The following DVL2 variants were observed in gnomAD, a reference collection of about 807,000 sequenced individuals.
DVL2 encodes dishevelled segment polarity protein 2.
In DVL2, 38 loss-of-function variants were observed where a neutral mutation model predicts 69.8. The ratio of observed to expected loss-of-function variants is 0.54; its 90% confidence interval spans 0.42 to 0.71. The LOEUF (loss-of-function observed/expected upper bound fraction) is 0.71, where lower values mean the gene tolerates loss of function less well. DVL2 is among the 30% of genes least tolerant of loss of function. The pLI, the probability that DVL2 is intolerant of heterozygous loss-of-function variation, is 0.00. For synonymous variants in DVL2, 428 were observed against 392.4 expected, an observed-to-expected ratio of 1.09 and a Z score of -1.07; for missense variants, 931 against 1,008.1, an observed-to-expected ratio of 0.92 and a Z score of 1.04.
In DVL2 at chr17:7,226,637, G is replaced by C. The variant is rs1317208259; in HGVS notation, c.1546C>G (p.Leu516Val). The C allele has an allele frequency of 6.5e-7, 1 of 1,549,928 alleles. No homozygotes were observed. Among genetic ancestry groups the C allele is most frequent in the South Asian group, 1.2e-5 (1 of 83,080 alleles). The change falls in exon 14 of 15, where the codon CTA (leucine) becomes GTA (valine). Residue 516 changes from leucine to valine, a missense_variant and splice_region_variant. This residue lies in a region of DVL2 where 314 missense variants were observed against 313.7 expected (regional missense o/e 1.00). Transcript: ENST00000005340. ...TTGTCATTGAGAGACAGGTTGACTA[G>C]GTCTGGAAAGCAAGGGAAGAGAGGA... ...GDLSGGCESY[L>V]VNLSLNDNDG... is the part of the protein sequence containing the mutation.
At chr17:7,226,853 G>A in intron 13 of DVL2, 1 of 627,918 alleles carries the variant, frequency 1.6e-6, no homozygotes, top group Non-Finnish European at 2.7e-6. Flanking sequence ...CGGGACTCAG[G>A]TAAGAGGTGC....
In DVL2 at chr17:7,229,581, C is replaced by T. The variant is rs1449924165; in HGVS notation, c.747+7G>A. On this transcript the variant is annotated splice_region_variant and intron_variant, in intron 6 of 14. Transcript: ENST00000005340. The surrounding 1 kb of genome is among the most constrained non-coding windows in gnomAD (Gnocchi z 4.4). ...CCAGCACCAGCCTTCCTGTAGGAACCCCTCACCCTCTCCAGGCGGGGTGGC... is the reference window on the plus strand; with the variant it reads ...CCAGCACCAGCCTTCCTGTAGGAACTCCTCACCCTCTCCAGGCGGGGTGGC... The T allele has an allele frequency of 4.4e-6, 7 of 1,574,672 alleles. No individual in the cohort carries two copies. Among genetic ancestry groups the T allele is most frequent in the Non-Finnish European group, 6.0e-6 (7 of 1,162,056 alleles).
Position 7,226,038 on chromosome 17 carries a change from T to C in DVL2, c.2038A>G (p.Met680Val), listed in dbSNP as rs1265703676. The change falls in exon 15 of 15, where the codon ATG becomes GTG. Residue 680 changes from methionine to valine, a missense_variant. Met to Val is a conservative substitution (Grantham distance 21). Coordinates refer to ENST00000005340, the MANE Select transcript of DVL2 (RefSeq NM_004422.3). ...GGTGGGGGCATCATGACCACCATCATGGGGTTGTAGGGGAGGGCCATGCCA... is the reference window on the plus strand; with the variant it reads ...GGTGGGGGCATCATGACCACCATCACGGGGTTGTAGGGGAGGGCCATGCCA... ...PPGMALPYNPMMVVMMPPPPP... is the reference protein window; with the variant it reads ...PPGMALPYNPVMVVMMPPPPP... 1.2e-6 allele frequency: 2 copies of C among 1,611,396 alleles called. No individual in the cohort carries two copies. The highest frequency in any genetic ancestry group is 1.7e-6 in the Non-Finnish European group (2 of 1,178,750).
In DVL2 at chr17:7,229,517, C is replaced by T; in HGVS notation, c.748-70G>A. 1 of 1,611,830 alleles carries T rather than the reference C, an allele frequency of 6.2e-7. No individual in the cohort carries two copies. Among genetic ancestry groups the T allele is most frequent in the Non-Finnish European group, 8.5e-7 (1 of 1,178,218 alleles). On this transcript the variant is annotated intron_variant, in intron 6 of 14. Transcript: ENST00000005340. This position sits in a 1 kb window ranked among gnomAD's most constrained non-coding sequence, Gnocchi z 4.4. ...TCAACCCTGGGGTGCTGCCGGTGTC[C>T]TGGCACCGCCCAAACCAAAGCCCAT...
rs1314931965 is a variant in DVL2, at chr17:7,226,503, G to A, written c.1680C>T (p.Pro560=). The change falls in exon 14 of 15, where the codon CCC becomes CCT. Residue 560 remains proline, a synonymous_variant. Transcript: ENST00000005340. ...TFSYQYPAPH[P]YSPQPPPYHE... is the part of the protein sequence containing the mutation. ...GGTAGGGTGGAGGCTGCGGGCTGTA[G>A]GGGTGTGGGGCAGGGTATTGGTAGG... 1 of 1,594,980 alleles carries A rather than the reference G, an allele frequency of 6.3e-7. No homozygotes were observed. The highest frequency in any genetic ancestry group is 2.2e-5 in the East Asian group (1 of 44,730).
chr17:7,230,023 C>T (rs758876904), intron 4 of DVL2, 23 bp downstream of exon 4: 6 of 1,612,808 alleles, frequency 3.7e-6, no homozygotes, highest in South Asian at 1.1e-5. Flanking sequence ...CAGCCCTTCC[C>T]GGCCCCCAGG....
Position 7,229,723 on chromosome 17 carries a change from C to A in DVL2, c.657-45G>T. On this transcript the variant is annotated intron_variant, in intron 5 of 14. Coordinates refer to ENST00000005340, the MANE Select transcript of DVL2 (RefSeq NM_004422.3). This position sits in a 1 kb window ranked among gnomAD's most constrained non-coding sequence, Gnocchi z 4.4. ...GAGAGCAAACGTAGGCCAAAGTGGT[C>A]ATGGGGCCAAGAGAAAGAACAAGAG... 1 of 1,573,746 alleles carries A rather than the reference C, an allele frequency of 6.4e-7. No homozygotes were observed. Among genetic ancestry groups the A allele is most frequent in the Non-Finnish European group, 8.6e-7 (1 of 1,156,274 alleles).
intron 1 of DVL2, among the ~76,000 whole-genome samples, chr17:7,231,795 G>A (rs1278453365): frequency 6.8e-6 from 1 of 147,688 alleles, no homozygotes; most frequent in Non-Finnish European, 1.5e-5. Context: ...CCCAGTAGGC[G>A]AAGGTTGCAG....
At position 7,234,377 on chromosome 17, in the gene DVL2, CGGGAGAG is replaced by C; in HGVS notation, c.-122_-116del. The C allele has an allele frequency of 8.2e-7, 1 of 1,222,984 alleles. No homozygotes were observed. Among genetic ancestry groups the C allele is most frequent in the Non-Finnish European group, 1.1e-6 (1 of 878,948 alleles). The allele number at this position is 1,222,984 out of a possible 1,614,324, so 75.8% of individuals were successfully genotyped here. On this transcript the variant is annotated 5_prime_UTR_variant, in exon 1 of 15. Transcript: ENST00000005340. Reference sequence around the variant, plus strand: ...GAGCGCGGACAGGACTGACCCAGTACGGGAGAGAAGCAAAGGGGAAAAAGCACGGATC... The same window carrying C: ...GAGCGCGGACAGGACTGACCCAGTACAAGCAAAGGGGAAAAAGCACGGATC...
Position 7,226,214 on chromosome 17 carries a change from TCA to T in DVL2, c.1860_1861del (p.Ser620ArgfsTer3). On this transcript the variant is annotated frameshift_variant, in exon 15 of 15. Transcript: ENST00000005340. LOFTEE classifies it high-confidence loss of function. ...GCCCCCTCGGCTGGAGGGCTCAGAC[TCA>T]CTGCCACTGCCGGACTTGGACTCGG... 6.2e-7 allele frequency: 1 copy of T among 1,612,330 alleles called. No individual in the cohort carries two copies. Among genetic ancestry groups the T allele is most frequent in the Non-Finnish European group, 8.5e-7 (1 of 1,179,736 alleles).
chr17:7,234,006 C>T, intron 1 of DVL2, 63 bp downstream of exon 1: 1 of 1,567,240 alleles, frequency 6.4e-7, no homozygotes, highest in Non-Finnish European at 8.7e-7. Context: ...ACGTGTGCCC[C>T]TCCATGTCGC....
chr17:7,229,748 G>A lies in DVL2; in HGVS notation c.656+60C>T, dbSNP rs2071512640. The A allele has an allele frequency of 6.3e-7, 1 of 1,588,708 alleles. No homozygotes were observed. The highest frequency in any genetic ancestry group is 1.3e-5 in the African/African-American group (1 of 74,314). On this transcript the variant is annotated intron_variant, in intron 5 of 14. Transcript: ENST00000005340. The surrounding 1 kb of genome is among the most constrained non-coding windows in gnomAD (Gnocchi z 4.4). Reference sequence around the variant, plus strand: ...CATGGGGCCAAGAGAAAGAACAAGAGGATTGACTGGAAGACGAGACGGGGC... The same window carrying A: ...CATGGGGCCAAGAGAAAGAACAAGAAGATTGACTGGAAGACGAGACGGGGC...
intron 13 of DVL2, 53 bp downstream of exon 13, chr17:7,227,037 G>A (rs2071466354): frequency 1.3e-6 from 2 of 1,541,802 alleles, no homozygotes; most frequent in South Asian, 1.2e-5. Context: ...GGTTGGAGAG[G>A]CAGAACAAGG....
chr17:7,227,761 G>A lies in DVL2; in HGVS notation c.1125C>T (p.Asp375=). Residue 375 remains aspartate (D), a synonymous_variant, in exon 11 of 15, where the codon GAC becomes GAT. Coordinates refer to ENST00000005340, the MANE Select transcript of DVL2 (RefSeq NM_004422.3). ...CGGAATGGGACACCCAGGCAGCAGG[G>A]TCAATTGGCTGGATGGGCTCATCTG... ...LPRNEPIQPI[D]PAAWVSHSAA... 1 of 1,585,382 alleles carries A rather than the reference G, an allele frequency of 6.3e-7. No individual in the cohort carries two copies. The highest frequency in any genetic ancestry group is 8.6e-7 in the Non-Finnish European group (1 of 1,165,606).
Position 7,226,175 on chromosome 17 carries a change from C to G in DVL2, c.1901G>C (p.Gly634Ala), listed in dbSNP as rs932696305. The change falls in exon 15 of 15, where the codon GGT becomes GCT. Residue 634 changes from glycine to alanine, a missense_variant. By Grantham distance (60) the Gly-to-Ala change is moderately conservative (BLOSUM62 0). Transcript: ENST00000005340. ...ATCGCTAGTCCCACTTGCTTCCCCA[C>G]CCCGCCGAAGGCTGCCCCCTCGGCT... ...PSSRGGSLRR[G>A]GEASGTSDGG... is the part of the protein sequence containing the mutation. 6.2e-7 allele frequency: 1 copy of G among 1,611,680 alleles called. No individual in the cohort carries two copies. The highest frequency in any genetic ancestry group is 8.5e-7 in the Non-Finnish European group (1 of 1,179,188).
chr17:7,231,695 T>C (rs185305098), intron 1 of DVL2, among the ~76,000 whole-genome samples: 50 of 151,656 alleles, frequency 3.3e-4, no homozygotes, highest in African/African-American at 1.0e-3. Context: ...AAACCCTTTC[T>C]CTACTAAAAA....
At chr17:7,228,691 C>G in intron 9 of DVL2, 1 of 406,598 alleles carries the variant, frequency 2.5e-6, no homozygotes, top group Non-Finnish European at 4.5e-6. Flanking sequence ...AAGTGATTCT[C>G]CTGTCTCAGC....
In DVL2 at chr17:7,229,842, G is replaced by C. The variant is rs548574495; in HGVS notation, c.622C>G (p.Leu208Val). The change falls in exon 5 of 15, where the codon CTG (leucine) becomes GTG (valine). Residue 208 changes from leucine to valine, a missense_variant. This residue lies in a region of DVL2 where 555 missense variants were observed against 588.8 expected (regional missense o/e 0.94). Transcript: ENST00000005340. This position sits in a 1 kb window ranked among gnomAD's most constrained non-coding sequence, Gnocchi z 4.4. ...LMTSELESTS[L>V]GDSDEEDTMS... is the part of the protein sequence containing the mutation. ...GTGTCCTCCTCGTCCGAGTCCCCCA[G>C]GCTGGTACTCTCCAGCTCGCTGGTC... is the stretch of plus-strand genomic sequence containing the variant. 1.2e-5 allele frequency: 20 copies of C among 1,612,734 alleles called. 1 individual carries two copies. The highest frequency in any genetic ancestry group is 1.7e-4 in the Middle Eastern group (1 of 6,050).
At position 7,229,956 on chromosome 17, in the gene DVL2, AG is replaced by A. The variant is rs749195981; in HGVS notation, c.521-14del. ...CTGTGGCCCCCAGCTACATATGGACAGGAAGCTCAAGAACCAAGCTTCCCCC... is the reference window on the plus strand; with the variant it reads ...CTGTGGCCCCCAGCTACATATGGACAGAAGCTCAAGAACCAAGCTTCCCCC... On this transcript the variant is annotated splice_polypyrimidine_tract_variant and intron_variant, in intron 4 of 14. Coordinates refer to ENST00000005340, the MANE Select transcript of DVL2 (RefSeq NM_004422.3). The surrounding 1 kb of genome is among the most constrained non-coding windows in gnomAD (Gnocchi z 4.4). 1.2e-6 allele frequency: 2 copies of A among 1,608,048 alleles called. No individual in the cohort carries two copies. The highest frequency in any genetic ancestry group is 1.7e-6 in the Non-Finnish European group (2 of 1,179,694).
Sources: allele counts gnomAD v4.1 joint callset (sites outside exome capture counted in the v4.1 genomes callset), GRCh38; gene constraint gnomAD v4.1.1; regional missense constraint gnomAD v4.1.1; non-coding constraint Gnocchi (gnomAD v3.1); transcripts MANE v1.5; gene names NCBI Gene and HGNC (gene_info 2026-07-23, HGNC 2026-07-21).